COLEC12: variants seen among roughly 807,000 people sequenced by gnomAD.
COLEC12 encodes the protein collectin-12.
In COLEC12, 33 loss-of-function variants were observed where a neutral mutation model predicts 71.1. That is an observed-to-expected ratio of 0.46 (90% CI 0.35 to 0.62). The LOEUF is 0.62. Among genes scored for constraint, COLEC12 ranks in the 20% least tolerant of loss-of-function variants. COLEC12 has a pLI of 0.00. For missense variants in COLEC12, 765 were observed against 916.1 expected (o/e 0.84, Z 2.13); for synonymous variants, 350 against 353.0 (o/e 0.99, Z 0.10).
intron 8 of COLEC12, among the ~76,000 whole-genome samples, chr18:329,178 C>T (rs1444817812): frequency 6.6e-6 from 1 of 152,092 alleles, no homozygotes; most frequent in African/African-American, 2.4e-5. Context: ...TTGCTGGACC[C>T]CAGGGAAGAG....
At position 381,754 on chromosome 18, in the gene COLEC12, T is replaced by C. The variant is rs142947638; in HGVS notation, c.59-24232A>G. Among the ~76,000 whole-genome samples, 1,376 of 152,346 alleles carry C rather than the reference T, an allele frequency of 9.0e-3. 21 individuals are homozygous for C. The highest frequency in any genetic ancestry group is 0.031 in the African/African-American group (1,281 of 41,580). ...ATGTCCATCCAAAGGGAAATTATTG[T>C]ATAAATCACGGGGCATCATGGTCTG... On this transcript the variant is annotated intron_variant, in intron 2 of 9. Coordinates refer to ENST00000400256, the MANE Select transcript of COLEC12 (RefSeq NM_130386.3).
chr18:423,027 T>C (rs1014820372), intron 2 of COLEC12, among the ~76,000 whole-genome samples: 1 of 152,176 alleles, frequency 6.6e-6, no homozygotes, highest in East Asian at 1.9e-4. Flanking sequence ...TCCTAATACG[T>C]TGGGAGGCCA....
At chr18:476,704 G>A (rs1036506529) in intron 2 of COLEC12, among the ~76,000 whole-genome samples, 4 of 152,338 alleles carry the variant, frequency 2.6e-5, no homozygotes, top group East Asian at 1.9e-4. Context: ...CTAGAGCCAC[G>A]TGTGATGCTT....
chr18:456,590 A>G (rs1916876816), intron 2 of COLEC12, among the ~76,000 whole-genome samples: 1 of 152,218 alleles, frequency 6.6e-6, no homozygotes, highest in Non-Finnish European at 1.5e-5. Context: ...TCCGCTTAGG[A>G]AGGTCACAAA....
chr18:497,386 GTGT>G (rs1567926733), intron 1 of COLEC12, among the ~76,000 whole-genome samples: 100 of 88,042 alleles, frequency 1.1e-3, no homozygotes, highest in African/African-American at 5.3e-3. Context: ...AGAATGGGGT[GTGT>G]GTGTGTGTGT....
At chr18:494,800 G>T (rs1917679715) in intron 1 of COLEC12, among the ~76,000 whole-genome samples, 2 of 152,182 alleles carry the variant, frequency 1.3e-5, no homozygotes, top group Non-Finnish European at 2.9e-5. Context: ...AGACAAGTGA[G>T]TTTTTCACAC....
intron 2 of COLEC12, among the ~76,000 whole-genome samples, chr18:400,201 G>C (rs915610263): frequency 4.6e-5 from 7 of 152,110 alleles, no homozygotes; most frequent in African/African-American, 1.7e-4. Context: ...CTGGATACTG[G>C]ACAATGAAGC....
intron 7 of COLEC12, 33 bp downstream of exon 7, chr18:332,971 TATA>T: frequency 6.6e-7 from 1 of 1,517,600 alleles, no homozygotes; most frequent in Non-Finnish European, 8.8e-7. Context: ...ATCCTTAAAT[TATA>T]GTTTTCCCCA....
At chr18:363,219 C>T (rs747614931) in intron 2 of COLEC12, among the ~76,000 whole-genome samples, 7 of 152,032 alleles carry the variant, frequency 4.6e-5, no homozygotes, top group East Asian at 1.9e-4. Flanking sequence ...TCTGTTTTTC[C>T]GATCTTTTTG....
chr18:457,259 G>A (rs183349979), intron 2 of COLEC12, among the ~76,000 whole-genome samples: 33 of 152,302 alleles, frequency 2.2e-4, no homozygotes, highest in Admixed American at 1.8e-3. Context: ...TAAGCCAACA[G>A]TCCTCGGCCT....
At chr18:407,185 T>C (rs1339693617) in intron 2 of COLEC12, among the ~76,000 whole-genome samples, 2 of 152,200 alleles carry the variant, frequency 1.3e-5, no homozygotes, top group Non-Finnish European at 2.9e-5. Context: ...TTTAAAGAAA[T>C]TTTCTTTGAT....
chr18:347,991 AACAT>A (rs1914423020), intron 4 of COLEC12, 70 bp downstream of exon 4: 19 of 979,192 alleles, frequency 1.9e-5, no homozygotes, highest in Non-Finnish European at 2.9e-5. Context: ...AGTTTATAGC[AACAT>A]CATTCTAAGA....
At position 500,124 on chromosome 18, in the gene COLEC12, G is replaced by A. The variant is rs1023735114; in HGVS notation, c.7+384C>T. On this transcript the variant is annotated intron_variant, in intron 1 of 9. Coordinates refer to ENST00000400256, the MANE Select transcript of COLEC12 (RefSeq NM_130386.3). The surrounding 1 kb of genome is among the most constrained non-coding windows in gnomAD (Gnocchi z 5.3). Reference sequence around the variant, plus strand: ...GAGGCGGGAGGAGAGAGGACTGGGCGAGCGTGGGGAGCGCTGCGGCGTGGA... The same window carrying A: ...GAGGCGGGAGGAGAGAGGACTGGGCAAGCGTGGGGAGCGCTGCGGCGTGGA... Among the ~76,000 whole-genome samples, 1 of 152,222 alleles carries A rather than the reference G, an allele frequency of 6.6e-6. No individual in the cohort carries two copies. The highest frequency in any genetic ancestry group is 1.5e-5 in the Non-Finnish European group (1 of 68,036).
intron 2 of COLEC12, among the ~76,000 whole-genome samples, chr18:439,991 G>GCA (rs59854051): frequency 0.018 from 2,692 of 150,440 alleles, 91 homozygotes; most frequent in African/African-American, 0.061. Context: ...GTGTATGAAT[G>GCA]CACACACACA....
intron 2 of COLEC12, among the ~76,000 whole-genome samples, chr18:449,227 T>C (rs1252871405): frequency 1.3e-5 from 2 of 152,206 alleles, no homozygotes; most frequent in African/African-American, 2.4e-5. Flanking sequence ...TACACATTTC[T>C]ACAGATTGTT....
rs1398455640 is a variant in COLEC12 at position 324,645 on chromosome 18, A to C, written c.2064-2838T>G. On this transcript the variant is annotated intron_variant, in intron 8 of 9. Coordinates refer to ENST00000400256, the MANE Select transcript of COLEC12 (RefSeq NM_130386.3). ...GGAGTTCAAGACCAGTCTGGCCAACATGGCGAAACCCCATCTCTACTAAAA... is the reference window on the plus strand; with the variant it reads ...GGAGTTCAAGACCAGTCTGGCCAACCTGGCGAAACCCCATCTCTACTAAAA... Among the ~76,000 whole-genome samples, 3 of 152,092 alleles carry C rather than the reference A, an allele frequency of 2.0e-5. No homozygotes were observed. In the East Asian group the frequency reaches 5.8e-4, roughly 29 times the overall value.
At chr18:401,777 G>GT (rs1357727463) in intron 2 of COLEC12, among the ~76,000 whole-genome samples, 1 of 152,158 alleles carries the variant, frequency 6.6e-6, no homozygotes, top group African/African-American at 2.4e-5. Context: ...TGGGTACAAT[G>GT]TATTGAGGCT....
intron 5 of COLEC12, among the ~76,000 whole-genome samples, chr18:342,675 A>G (rs1914282417): frequency 1.3e-5 from 2 of 152,214 alleles, no homozygotes; most frequent in South Asian, 4.1e-4. Flanking sequence ...TCTTCCCCTC[A>G]GTCTCTCGTT....
intron 2 of COLEC12, among the ~76,000 whole-genome samples, chr18:365,289 G>A (rs1325878669): frequency 6.6e-6 from 1 of 152,240 alleles, no homozygotes; most frequent in Non-Finnish European, 1.5e-5. Flanking sequence ...CTCTCTAGGA[G>A]AGGTCAAGAG....
Sources: gnomAD v4.1 joint callset for allele counts (sites outside exome capture counted in the v4.1 genomes callset) on GRCh38, gnomAD v4.1.1 for gene constraint, Gnocchi (gnomAD v3.1) non-coding constraint, MANE v1.5 for transcripts, NCBI Gene and HGNC (gene_info 2026-07-23, HGNC 2026-07-21) for gene names.